KBTBD2: variants seen among roughly 807,000 people sequenced by gnomAD.
KBTBD2 encodes the protein kelch repeat and BTB domain-containing protein 2.
A neutral mutation model predicts 57.1 loss-of-function variants in KBTBD2; 17 were observed. The observed-to-expected ratio is 0.30, with a 90% CI of 0.20 to 0.45. The LOEUF is 0.45. Among genes scored for constraint, KBTBD2 ranks in the 20% least tolerant of loss-of-function variants. The pLI, the probability that KBTBD2 is intolerant of heterozygous loss-of-function variation, is 1.00. For synonymous variants in KBTBD2, 267 were observed against 262.7 expected, an observed-to-expected ratio of 1.02 and a Z score of -0.16; for missense variants, 515 against 750.6, an observed-to-expected ratio of 0.69 and a Z score of 3.67.
At chr7:32,883,048 G>A (rs894187682) in intron 1 of KBTBD2, among the ~76,000 whole-genome samples, 1 of 151,772 alleles carries the variant, frequency 6.6e-6, no homozygotes, top group African/African-American at 2.4e-5. Context: ...CCCTCTGGGA[G>A]CATGGACTTC....
intron 1 of KBTBD2, among the ~76,000 whole-genome samples, chr7:32,884,603 T>C (rs565456006): frequency 6.6e-6 from 1 of 151,808 alleles, no homozygotes; most frequent in Admixed American, 6.6e-5. Flanking sequence ...GGCAGGAGAA[T>C]GGCTTGAACC....
chr7:32,873,384 CAAAAAA>C (rs544661966), intron 3 of KBTBD2, among the ~76,000 whole-genome samples: 17 of 107,780 alleles, frequency 1.6e-4, no homozygotes, highest in African/African-American at 5.0e-4. Context: ...AAGCTCTAAG[CAAAAAA>C]AAAAAAAAAA....
intron 1 of KBTBD2, among the ~76,000 whole-genome samples, chr7:32,889,329 G>A (rs1030544835): frequency 9.3e-5 from 14 of 151,292 alleles, no homozygotes; most frequent in Non-Finnish European, 2.1e-4. Context: ...TCGGCCGTCT[G>A]CGGTAGCTCA....
Position 32,870,742 on chromosome 7 carries a change from T to C in KBTBD2, c.475A>G (p.Lys159Glu). Residue 159 changes from lysine (K) to glutamate (E), a missense_variant, in exon 4 of 4, where the codon AAG becomes GAG. Physicochemically the swap from Lys to Glu is moderately conservative, Grantham distance 56. Transcript: ENST00000304056. The stretch of plus-strand genomic sequence containing the variant: ...TCCTGATGATACACAGCAGTGAACT[T>C]GTGCTCCACCATTCTTTTAGCACTC... ...KQSAKRMVEH[K>E]FTAVYHQDAF... 1.9e-6 allele frequency: 3 copies of C among 1,614,228 alleles called. No homozygotes were observed. The highest frequency in any genetic ancestry group is 2.5e-6 in the Non-Finnish European group (3 of 1,180,034).
rs1583799965 is a variant in KBTBD2 at position 32,891,721 on chromosome 7, C to T, written c.-524G>A. On this transcript the variant is annotated 5_prime_UTR_variant, in exon 1 of 4. Transcript: ENST00000304056. ...TCCTTCCGGTTTCCCCTCGCACCCT[C>T]CCTCGCTTGGTCCGTCCAGCGCGGA... 2 of 152,086 alleles carry T rather than the reference C, an allele frequency of 1.3e-5. No homozygotes were observed. Among genetic ancestry groups the T allele is most frequent in the Admixed American group, 6.6e-5 (1 of 15,242 alleles). 9.4% of individuals were successfully genotyped at this position (152,086 alleles called of 1,614,324 possible).
chr7:32,888,751 G>A (rs1002125474), intron 1 of KBTBD2, among the ~76,000 whole-genome samples: 35 of 150,872 alleles, frequency 2.3e-4, no homozygotes, highest in African/African-American at 8.0e-4. Context: ...CACATTCAGA[G>A]CTTAGGTCTG....
intron 3 of KBTBD2, among the ~76,000 whole-genome samples, chr7:32,872,091 T>C (rs1784192899): frequency 6.6e-6 from 1 of 152,090 alleles, no homozygotes; most frequent in African/African-American, 2.4e-5. Flanking sequence ...ATCCCAGCAC[T>C]TTGGGATTAC....
At chr7:32,871,122 CAATA>C (rs1784167403) in intron 3 of KBTBD2, among the ~76,000 whole-genome samples, 2 of 151,928 alleles carry the variant, frequency 1.3e-5, no homozygotes, top group African/African-American at 4.8e-5. Flanking sequence ...AGCAGTACAA[CAATA>C]AATAGGCTCT....
intron 1 of KBTBD2, among the ~76,000 whole-genome samples, chr7:32,887,333 T>C (rs961508315): frequency 7.2e-5 from 11 of 152,184 alleles, no homozygotes; most frequent in Non-Finnish European, 1.2e-4. Flanking sequence ...AGCATGTTGA[T>C]GATCGCAGTT....
intron 1 of KBTBD2, among the ~76,000 whole-genome samples, chr7:32,883,660 C>T (rs896307935): frequency 2.0e-5 from 3 of 152,232 alleles, no homozygotes; most frequent in South Asian, 2.1e-4. Flanking sequence ...ACCCTGTTAT[C>T]TGTAGAAGCC....
Position 32,879,907 on chromosome 7 carries a change from G to A in KBTBD2, c.-303C>T. 3.6e-6 allele frequency: 1 copy of A among 278,160 alleles called. No homozygotes were observed. The highest frequency in any genetic ancestry group is 5.5e-5 in the South Asian group (1 of 18,044). 17.2% of individuals were successfully genotyped at this position (278,160 alleles called of 1,614,324 possible). A position where few individuals can be genotyped will look rare whatever the true frequency, so the allele number is the denominator to read the frequency against. ...GAAAAATACACGAGGTAGATTTTGT[G>A]GCAACATCCTATGTTCAGCGGATCC... On this transcript the variant is annotated 5_prime_UTR_variant, in exon 2 of 4. Coordinates refer to ENST00000304056, the MANE Select transcript of KBTBD2 (RefSeq NM_015483.3).
chr7:32,869,232 T>C lies in KBTBD2; in HGVS notation c.*113A>G. 2.8e-6 allele frequency: 2 copies of C among 721,864 alleles called. No homozygotes were observed. The highest frequency in any genetic ancestry group is 4.5e-6 in the Non-Finnish European group (2 of 445,666). The allele number at this position is 721,864 out of a possible 1,614,324, so 44.7% of individuals were successfully genotyped here. A position where few individuals can be genotyped will look rare whatever the true frequency, so the allele number is the denominator to read the frequency against. On this transcript the variant is annotated 3_prime_UTR_variant, in exon 4 of 4. Coordinates refer to ENST00000304056, the MANE Select transcript of KBTBD2 (RefSeq NM_015483.3). ...ATTAAGTAGGGCATAAAAATAAAAT[T>C]TATCAAAGATAGAATTTTATGTACT...
intron 1 of KBTBD2, among the ~76,000 whole-genome samples, chr7:32,880,314 AT>A (rs1237205301): frequency 2.1e-4 from 32 of 152,046 alleles, no homozygotes; most frequent in African/African-American, 7.0e-4. Flanking sequence ...TTAAGAAAAA[AT>A]ATTTTTTTAA....
In KBTBD2 at chr7:32,870,227, T is replaced by C; in HGVS notation, c.990A>G (p.Thr330=). 6.2e-7 allele frequency: 1 copy of C among 1,614,210 alleles called. No homozygotes were observed. Among genetic ancestry groups the C allele is most frequent in the Non-Finnish European group, 8.5e-7 (1 of 1,180,036 alleles). The change falls in exon 4 of 4, where the codon ACA becomes ACG. Residue 330 remains threonine (T), a synonymous_variant. Coordinates refer to ENST00000304056, the MANE Select transcript of KBTBD2 (RefSeq NM_015483.3). ...IAGGQVPLKN[T]KTNHSKTSKL... is the part of the protein sequence containing the mutation. Reference sequence around the variant, plus strand: ...TGCTTGTTTTACTGTGATTTGTTTTTGTGTTTTTCAGAGGAACTTGACCCC... The same window carrying C: ...TGCTTGTTTTACTGTGATTTGTTTTCGTGTTTTTCAGAGGAACTTGACCCC...
chr7:32,883,759 T>C (rs12154586), intron 1 of KBTBD2, among the ~76,000 whole-genome samples: 73,590 of 152,064 alleles, frequency 0.48, 19,462 homozygotes, highest in African/African-American at 0.71. Context: ...CAAATGTTTA[T>C]TGAATACTAA....
intron 3 of KBTBD2, among the ~76,000 whole-genome samples, chr7:32,873,884 C>T (rs1346630970): frequency 6.6e-6 from 1 of 152,198 alleles, no homozygotes; most frequent in Non-Finnish European, 1.5e-5. Context: ...GTAATCAAAT[C>T]CTATTGTTTT....
In KBTBD2 at chr7:32,869,413, G is replaced by T; in HGVS notation, c.1804C>A (p.Leu602Ile). 1.9e-6 allele frequency: 3 copies of T among 1,614,060 alleles called. No homozygotes were observed. The highest frequency in any genetic ancestry group is 2.5e-6 in the Non-Finnish European group (3 of 1,179,988). ...TCTTCTGTCCCATCCGTTGAAAAAAGATAAGTTGGTGGTTTCCATGGAGAC... is the reference window on the plus strand; with the variant it reads ...TCTTCTGTCCCATCCGTTGAAAAAATATAAGTTGGTGGTTTCCATGGAGAC... Reference protein sequence around the residue: ...EESPWKPPTYLFSTDGTEEFE... With the variant: ...EESPWKPPTYIFSTDGTEEFE... The change falls in exon 4 of 4, where the codon CTT (leucine) becomes ATT (isoleucine). Residue 602 changes from leucine (L) to isoleucine (I), a missense_variant. Physicochemically the swap from Leu to Ile is conservative, Grantham distance 5. Transcript: ENST00000304056.
intron 2 of KBTBD2, among the ~76,000 whole-genome samples, chr7:32,875,763 CATT>C (rs1033042616): frequency 2.0e-5 from 3 of 151,930 alleles, no homozygotes; most frequent in African/African-American, 4.8e-5. Context: ...AACCTGAAAA[CATT>C]ATGCTCAGTG....
At chr7:32,875,233 AC>A (rs1397025836) in intron 2 of KBTBD2, 76 bp from the exon 3 acceptor site, 1 of 1,287,348 alleles carries the variant, frequency 7.8e-7, no homozygotes, top group African/African-American at 1.5e-5. Context: ...GAACAATTAG[AC>A]AATAAGAGGT....
Sources: allele counts gnomAD v4.1 joint callset (sites outside exome capture counted in the v4.1 genomes callset), GRCh38; gene constraint gnomAD v4.1.1; transcripts MANE v1.5; gene names NCBI Gene and HGNC (gene_info 2026-07-23, HGNC 2026-07-21).